AP1G2: variants seen among roughly 807,000 people sequenced by gnomAD.
AP1G2 encodes the protein adaptor related protein complex 1 subunit gamma 2.
In AP1G2, 85 loss-of-function variants were observed where a neutral mutation model predicts 95.8. The ratio of observed to expected loss-of-function variants is 0.89; its 90% CI spans 0.74 to 1.06. AP1G2 has a LOEUF of 1.06. Ranked by LOEUF, AP1G2 falls within the 50% of genes least tolerant of loss-of-function variation. The probability of loss-of-function intolerance (pLI) is 0.00; values close to 1 mark genes in which losing one functional copy is unlikely to be tolerated. For synonymous variants in AP1G2, 378 were observed against 400.0 expected, an observed-to-expected ratio of 0.94 and a Z score of 0.66; for missense variants, 967 against 1,005.8, an observed-to-expected ratio of 0.96 and a Z score of 0.52.
At chr14:23,560,971 G>T in intron 19 of AP1G2, 1 of 543,750 alleles carries the variant, frequency 1.8e-6, no homozygotes, top group Non-Finnish European at 2.5e-6. Context: ...GCTGGGGAAA[G>T]AACATTCCAT....
At chr14:23,565,351 G>T (rs1887326568) in intron 7 of AP1G2, 152 bp from the exon 8 acceptor site, 2 of 825,908 alleles carry the variant, frequency 2.4e-6, no homozygotes, top group African/African-American at 3.4e-5. Context: ...TCCTAGGAGG[G>T]GAACAGAGGT....
rs1345361020 is a variant in AP1G2, at chr14:23,567,477, C to T, written c.-5-158G>A. On this transcript the variant is annotated intron_variant, in intron 1 of 21. Coordinates refer to ENST00000397120, the MANE Select transcript of AP1G2 (RefSeq NM_003917.5). This position sits in a 1 kb window ranked among gnomAD's most constrained non-coding sequence, Gnocchi z 5.3. The stretch of plus-strand genomic sequence containing the variant: ...TTTCCCGAAGTGGGTCTCCAAATTC[C>T]GCGCCCACCCCACCGCCCGAGAAGC... 4 of 1,392,592 alleles carry T rather than the reference C, an allele frequency of 2.9e-6. No homozygotes were observed. The African/African-American group carries it at 6.0e-5, about 21-fold the overall frequency. 86.3% of individuals were successfully genotyped at this position (1,392,592 alleles called of 1,614,324 possible). A position where few individuals can be genotyped will look rare whatever the true frequency, so the allele number is the denominator to read the frequency against.
At chr14:23,566,859 A>C in intron 2 of AP1G2, 173 bp from the exon 3 acceptor site, 1 of 1,034,948 alleles carries the variant, frequency 9.7e-7, no homozygotes, top group Non-Finnish European at 1.4e-6. Context: ...GGTAGGAGGA[A>C]CTAGGAGTTG....
intron 14 of AP1G2, 118 bp downstream of exon 14, chr14:23,563,262 C>A: frequency 6.7e-7 from 1 of 1,499,214 alleles, no homozygotes; most frequent in Non-Finnish European, 8.9e-7. Flanking sequence ...ATGTCTTCTG[C>A]ACTGTGTAAG....
rs199577396 is a variant in AP1G2, at chr14:23,564,581, C to T, written c.902G>A (p.Arg301His). 6.4e-5 allele frequency: 104 copies of T among 1,613,384 alleles called. No homozygotes were observed. The East Asian group carries it at 1.9e-3, about 30-fold the overall frequency. Residue 301 changes from arginine (R) to histidine (H), a missense_variant, in exon 9 of 22, where the codon CGC becomes CAC. Transcript: ENST00000397120. ...FETVLTIMDI[R>H]SAAGLRVLAV... ...TGATACCCGTAGGCCAGCTGCAGAG[C>T]GGATATCCATGATGGTGAGTACTGT...
In AP1G2 at chr14:23,560,030, G is replaced by A; in HGVS notation, c.2164C>T (p.Gln722Ter). 3 of 1,603,840 alleles carry A rather than the reference G, an allele frequency of 1.9e-6. No individual in the cohort carries two copies. Among genetic ancestry groups the A allele is most frequent in the Admixed American group, 1.7e-5 (1 of 59,498 alleles). ...ICQAAVPKSLQLQLQAPSGNT... is the reference protein window; with the variant it reads ...ICQAAVPKSL ...CCACTGGGGGCCTGCAGCTGCAGCT[G>A]GAGACTCTGAACACAGGAGTTTAAC... The change falls in exon 21 of 22, where the codon CAG becomes TAG. Residue 722 changes from glutamine to a stop codon, truncating the protein, a stop_gained. Coordinates refer to ENST00000397120, the MANE Select transcript of AP1G2 (RefSeq NM_003917.5). LOFTEE classifies it high-confidence loss of function.
In AP1G2 at chr14:23,562,547, T is replaced by A. The variant is rs1885451697; in HGVS notation, c.1457A>T (p.Asp486Val). The A allele has an allele frequency of 1.9e-6, 3 of 1,613,948 alleles. No individual in the cohort carries two copies. The highest frequency in any genetic ancestry group is 1.7e-6 in the Non-Finnish European group (2 of 1,179,986). The part of the protein sequence containing the change: ...VAAWCIGEYG[D>V]LLLAGNCEEI... ...CTCGCAGTTCCCTGCCAGCAGGAGG[T>A]CCCCATACTCCCCAATGCACCAGGC... The change falls in exon 15 of 22, where the codon GAC becomes GTC. Residue 486 changes from aspartate (D) to valine (V), a missense_variant. Coordinates refer to ENST00000397120, the MANE Select transcript of AP1G2 (RefSeq NM_003917.5).
At position 23,566,356 on chromosome 14, in the gene AP1G2, G is replaced by A. The variant is rs1398046361; in HGVS notation, c.393C>T (p.Gly131=). ...CCAGGTCTCGGCACATCTCAGCAGA[G>A]CCCATGGTGCTCAAAGTGCACAAGG... The part of the protein sequence containing the change: ...GLALCTLSTM[G]SAEMCRDLAP... The change falls in exon 4 of 22, where the codon GGC becomes GGT. Residue 131 remains glycine (G), a synonymous_variant. Transcript: ENST00000397120. 6.2e-7 allele frequency: 1 copy of A among 1,614,052 alleles called. No individual in the cohort carries two copies. The highest frequency in any genetic ancestry group is 8.5e-7 in the Non-Finnish European group (1 of 1,180,026).
rs1276659744 is a variant in AP1G2, at chr14:23,567,256, G to C, written c.59C>G (p.Thr20Ser). ...GATCACCTCCCGCTCCTGGGCCTGAGTCTTGGCCCCGCGAATCTCTTCGAT... is the reference window on the plus strand; with the variant it reads ...GATCACCTCCCGCTCCTGGGCCTGACTCTTGGCCCCGCGAATCTCTTCGAT... ...DLIEEIRGAK[T>S]QAQEREVIQK... Residue 20 changes from threonine (T) to serine (S), a missense_variant, in exon 2 of 22, where the codon ACT (threonine) becomes AGT (serine). Physicochemically the swap from Thr to Ser is moderately conservative, Grantham distance 58. Coordinates refer to ENST00000397120, the MANE Select transcript of AP1G2 (RefSeq NM_003917.5). The surrounding 1 kb of genome is among the most constrained non-coding windows in gnomAD (Gnocchi z 5.3). 3 of 1,612,920 alleles carry C rather than the reference G, an allele frequency of 1.9e-6. No homozygotes were observed. The South Asian group carries it at 3.3e-5, about 18-fold the overall frequency.
chr14:23,566,433 G>A lies in AP1G2; in HGVS notation c.330-14C>T, dbSNP rs1888010241. On this transcript the variant is annotated splice_polypyrimidine_tract_variant and intron_variant, in intron 3 of 21. Coordinates refer to ENST00000397120, the MANE Select transcript of AP1G2 (RefSeq NM_003917.5). The stretch of plus-strand genomic sequence containing the variant: ...TGGCTCAGGTCACTGCAGGGTTTGG[G>A]AGGACGGTCAGTCAAACCTCTGAGA... 4 of 1,611,916 alleles carry A rather than the reference G, an allele frequency of 2.5e-6. No individual in the cohort carries two copies. Among genetic ancestry groups the A allele is most frequent in the Non-Finnish European group, 3.4e-6 (4 of 1,178,392 alleles).
intron 18 of AP1G2, 34 bp from the exon 19 acceptor site, chr14:23,561,465 A>G (rs377156525): frequency 1.2e-5 from 19 of 1,613,952 alleles, no homozygotes; most frequent in Non-Finnish European, 1.6e-5. Context: ...AGGGCTGGGT[A>G]TGAAGCTCAG....
chr14:23,564,589 C>T lies in AP1G2; in HGVS notation c.894G>A (p.Met298Ile). The T allele has an allele frequency of 1.9e-6, 3 of 1,613,510 alleles. No homozygotes were observed. Among genetic ancestry groups the T allele is most frequent in the Non-Finnish European group, 2.5e-6 (3 of 1,179,950 alleles). Reference protein sequence around the residue: ...AVLFETVLTIMDIRSAAGLRV... With the variant: ...AVLFETVLTIIDIRSAAGLRV... ...GTAGGCCAGCTGCAGAGCGGATATC[C>T]ATGATGGTGAGTACTGTCTCAAACA... Residue 298 changes from methionine to isoleucine, a missense_variant, in exon 9 of 22, where the codon ATG becomes ATA. Met to Ile is a conservative substitution (Grantham distance 10). Transcript: ENST00000397120.
chr14:23,560,515 G>A (rs1883746923), intron 19 of AP1G2, 97 bp from the exon 20 acceptor site: 1 of 1,279,598 alleles, frequency 7.8e-7, no homozygotes, highest in Non-Finnish European at 1.1e-6. Context: ...TACTGGCCCT[G>A]CACTACTCGA....
Position 23,562,338 on chromosome 14 carries a change from A to G in AP1G2, c.1578T>C (p.Tyr526=), listed in dbSNP as rs756869444. ...TGAGCTTCATGAGGGCTGTGAGGGCATATCCTCGAGTGGCTGGCAGGGACA... is the reference window on the plus strand; with the variant it reads ...TGAGCTTCATGAGGGCTGTGAGGGCGTATCCTCGAGTGGCTGGCAGGGACA... ...SHMSLPATRG[Y]ALTALMKLST... is the part of the protein sequence containing the mutation. The change falls in exon 16 of 22, where the codon TAT becomes TAC. Residue 526 remains tyrosine, a synonymous_variant. Coordinates refer to ENST00000397120, the MANE Select transcript of AP1G2 (RefSeq NM_003917.5). 3 of 1,614,200 alleles carry G rather than the reference A, an allele frequency of 1.9e-6. No individual in the cohort carries two copies. The highest frequency in any genetic ancestry group is 2.2e-5 in the South Asian group (2 of 91,084).
Position 23,563,512 on chromosome 14 carries a change from G to A in AP1G2, c.1288-10C>T, listed in dbSNP as rs1182196728. ...GCACATGGGTGCCCGCCTGGAAGGT[G>A]TGGGCATGGCCAAGTCAGTGTGGTG... On this transcript the variant is annotated splice_polypyrimidine_tract_variant and intron_variant, in intron 13 of 21. Transcript: ENST00000397120. 6 of 1,614,260 alleles carry A rather than the reference G, an allele frequency of 3.7e-6. No individual in the cohort carries two copies. The highest frequency in any genetic ancestry group is 1.7e-5 in the Admixed American group (1 of 60,034).
In AP1G2 at chr14:23,559,988, G is replaced by A. The variant is rs753650407; in HGVS notation, c.2206C>T (p.Arg736Trp). The stretch of plus-strand genomic sequence containing the variant: ...AGCTGGGTGATAGGAAGGCCACCCC[G>A]AGCTGGAACTGTGTTCCCACTGGGG... ...QAPSGNTVPA[R>W]GGLPITQLFR... is the part of the protein sequence containing the mutation. Residue 736 changes from arginine (R) to tryptophan (W), a missense_variant, in exon 21 of 22, where the codon CGG becomes TGG. Arg to Trp is a moderately radical substitution (Grantham distance 101). Coordinates refer to ENST00000397120, the MANE Select transcript of AP1G2 (RefSeq NM_003917.5). 4.4e-5 allele frequency: 71 copies of A among 1,612,822 alleles called. No homozygotes were observed. The highest frequency in any genetic ancestry group is 5.3e-5 in the Non-Finnish European group (62 of 1,179,392).
chr14:23,565,571 T>C, intron 7 of AP1G2, 35 bp downstream of exon 7: 1 of 1,549,394 alleles, frequency 6.5e-7, no homozygotes, highest in Non-Finnish European at 8.9e-7. Context: ...ATGCCCTCTC[T>C]GATCCAGGGA....
chr14:23,564,717 T>G (rs1158151962), intron 8 of AP1G2, 57 bp from the exon 9 acceptor site: 1 of 1,516,230 alleles, frequency 6.6e-7, no homozygotes, highest in African/African-American at 1.4e-5. Context: ...GTCTCCTTTT[T>G]TTGATACAGG....
chr14:23,564,235 T>A, intron 10 of AP1G2, 76 bp from the exon 11 acceptor site: 1 of 1,612,560 alleles, frequency 6.2e-7, no homozygotes. Flanking sequence ...GGTATAGGGA[T>A]AAGATAAGAG....
Sources: allele counts gnomAD v4.1 joint callset, GRCh38; gene constraint gnomAD v4.1.1; non-coding constraint Gnocchi (gnomAD v3.1); transcripts MANE v1.5; gene names NCBI Gene and HGNC (gene_info 2026-07-23, HGNC 2026-07-21).